CPED1: variants seen among roughly 807,000 people sequenced by gnomAD.
CPED1 encodes cadherin-like and PC-esterase domain-containing protein 1.
A neutral mutation model predicts 128.2 loss-of-function variants in CPED1; 114 were observed. That is an observed-to-expected ratio of 0.89 (90% CI 0.76 to 1.04). CPED1 has a LOEUF of 1.04. Among genes scored for constraint, CPED1 ranks in the 50% least tolerant of loss-of-function variants. The pLI is 0.00. For synonymous variants in CPED1, 462 were observed against 426.7 expected (o/e 1.08, Z -1.02); for missense variants, 1,211 against 1,207.1 (o/e 1.00, Z -0.05).
chr7:121,052,008 A>G (rs1371121498), intron 4 of CPED1: 1 of 152,406 alleles, frequency 6.6e-6, no homozygotes, highest in African/African-American at 2.4e-5. Context: ...GAAAGAAAAA[A>G]AAAAAGCTTT....
At chr7:121,080,702 C>G (rs1794264718) in intron 5 of CPED1, among the ~76,000 whole-genome samples, 1 of 83,710 alleles carries the variant, frequency 1.2e-5, no homozygotes, top group South Asian at 4.1e-4. Flanking sequence ...TTTTAAAAAC[C>G]TTCATTTTAC....
chr7:121,195,241 C>G (rs1318248407), intron 16 of CPED1, among the ~76,000 whole-genome samples: 1 of 152,074 alleles, frequency 6.6e-6, no homozygotes, highest in South Asian at 2.1e-4. Flanking sequence ...ATCTGTAATA[C>G]TAACCCAGGA....
chr7:121,121,672 G>A (rs1321544361), intron 7 of CPED1, among the ~76,000 whole-genome samples: 1 of 152,172 alleles, frequency 6.6e-6, no homozygotes, highest in Non-Finnish European at 1.5e-5. Flanking sequence ...TAATATTTGA[G>A]TTAATGGCTT....
rs547032879 is a variant in CPED1 at position 121,227,020 on chromosome 7, A to G, written c.2056-9694A>G. Among the ~76,000 whole-genome samples, 5 of 152,244 alleles carry G rather than the reference A, an allele frequency of 3.3e-5. 1 individual carries two copies. Among genetic ancestry groups the G allele is most frequent in the African/African-American group, 1.2e-4 (5 of 41,580 alleles). On this transcript the variant is annotated intron_variant, in intron 16 of 22. Transcript: ENST00000310396. ...TGGAAATTTCTCAAAAGGGAGAACC[A>G]CAAACACAAAATTCTAGAGCTAAAT...
At chr7:121,199,572 A>G (rs577038336) in intron 16 of CPED1, among the ~76,000 whole-genome samples, 1 of 150,622 alleles carries the variant, frequency 6.6e-6, no homozygotes, top group African/African-American at 2.4e-5. Flanking sequence ...AGCTACTCAG[A>G]AGACTGAGGT....
intron 16 of CPED1, among the ~76,000 whole-genome samples, chr7:121,207,307 T>C (rs1018414295): frequency 1.3e-5 from 2 of 152,098 alleles, no homozygotes; most frequent in Non-Finnish European, 2.9e-5. Flanking sequence ...TTTTAAACTT[T>C]AATATGCTCT....
chr7:121,169,226 G>A (rs564213029), intron 16 of CPED1, among the ~76,000 whole-genome samples: 3 of 151,010 alleles, frequency 2.0e-5, no homozygotes, highest in South Asian at 2.1e-4. Flanking sequence ...AGCTTTTAGA[G>A]ATAAGTTAAA....
chr7:121,109,560 G>T (rs142168082), intron 7 of CPED1, among the ~76,000 whole-genome samples: 50 of 152,106 alleles, frequency 3.3e-4, no homozygotes, highest in African/African-American at 1.1e-3. Flanking sequence ...CTTCTTATTT[G>T]GTCTCTAGTT....
chr7:121,133,832 C>A lies in CPED1; in HGVS notation c.1587C>A (p.Phe529Leu). ...TQPHPLEWNS[F>L]TEDKNIEKPQ... ...GGCATTGCATTTGCAGGAATTCTTT[C>A]ACAGAAGATAAGAACATTGAAAAAC... The change falls in exon 13 of 23, where the codon TTC (phenylalanine) becomes TTA (leucine). Residue 529 changes from phenylalanine (F) to leucine (L), a missense_variant. Transcript: ENST00000310396. 1 of 1,597,734 alleles carries A rather than the reference C, an allele frequency of 6.3e-7. No homozygotes were observed. The highest frequency in any genetic ancestry group is 8.5e-7 in the Non-Finnish European group (1 of 1,171,610).
chr7:121,015,135 C>T (rs1792266700), intron 2 of CPED1, among the ~76,000 whole-genome samples: 1 of 152,182 alleles, frequency 6.6e-6, no homozygotes, highest in African/African-American at 2.4e-5. Flanking sequence ...CACTGAGATG[C>T]ATTCCAGTTT....
intron 5 of CPED1, among the ~76,000 whole-genome samples, chr7:121,079,465 C>T (rs1368252468): frequency 3.9e-5 from 6 of 152,172 alleles, no homozygotes; most frequent in Non-Finnish European, 8.8e-5. Flanking sequence ...CTGATACTGC[C>T]CACTGGCTAC....
At chr7:121,272,046 C>T (rs182000097) in intron 22 of CPED1, among the ~76,000 whole-genome samples, 1 of 152,140 alleles carries the variant, frequency 6.6e-6, no homozygotes, top group East Asian at 1.9e-4. Context: ...TGGTCAGGAC[C>T]CATAAGTTTA....
chr7:121,027,201 G>A (rs953790654), intron 3 of CPED1, among the ~76,000 whole-genome samples: 2 of 151,950 alleles, frequency 1.3e-5, no homozygotes, highest in Non-Finnish European at 2.9e-5. Flanking sequence ...TCTCAAGCTA[G>A]AAATGGTGAA....
intron 7 of CPED1, among the ~76,000 whole-genome samples, chr7:121,114,305 G>T (rs915809103): frequency 6.6e-6 from 1 of 152,178 alleles, no homozygotes; most frequent in African/African-American, 2.4e-5. Flanking sequence ...ACAGCTTATA[G>T]TACTGCTCTG....
chr7:121,135,913 G>A (rs1795773505), intron 13 of CPED1, 127 bp from the exon 14 acceptor site: 1 of 595,222 alleles, frequency 1.7e-6, no homozygotes, highest in Admixed American at 4.1e-5. Context: ...TGACTTAGAA[G>A]TGTTCACTAG....
intron 14 of CPED1, 45 bp from the exon 15 acceptor site, chr7:121,140,782 C>T (rs955381524): frequency 3.0e-6 from 4 of 1,335,452 alleles, no homozygotes; most frequent in Admixed American, 2.0e-5. Flanking sequence ...AAGATATTTA[C>T]CCACTTCACA....
intron 16 of CPED1, among the ~76,000 whole-genome samples, chr7:121,214,862 G>A (rs1427210021): frequency 1.3e-5 from 2 of 152,048 alleles, no homozygotes; most frequent in African/African-American, 4.8e-5. Flanking sequence ...TGTACAGCAT[G>A]TGATCAGTGA....
chr7:121,039,246 A>G (rs940051755), intron 3 of CPED1, among the ~76,000 whole-genome samples: 2 of 152,000 alleles, frequency 1.3e-5, no homozygotes, highest in African/African-American at 4.8e-5. Flanking sequence ...TTATAATTCA[A>G]TATTACTCTA....
chr7:121,086,837 A>G (rs1794436563), intron 5 of CPED1, among the ~76,000 whole-genome samples: 1 of 152,212 alleles, frequency 6.6e-6, no homozygotes, highest in Non-Finnish European at 1.5e-5. Context: ...AAATTGAATG[A>G]ACATTCTTGA....
Sources: allele counts gnomAD v4.1 joint callset (sites outside exome capture counted in the v4.1 genomes callset), GRCh38; gene constraint gnomAD v4.1.1; transcripts MANE v1.5; gene names NCBI Gene and HGNC (gene_info 2026-07-23, HGNC 2026-07-21).